Variants in DCLK1 observed in about 807,000 individuals in gnomAD.
DCLK1 encodes serine/threonine-protein kinase DCLK1.
A neutral mutation model predicts 86.2 loss-of-function variants in DCLK1; 16 were observed. That is an observed-to-expected ratio of 0.19 (90% CI 0.13 to 0.28). The LOEUF is 0.28. DCLK1 is among the 10% of genes least tolerant of loss of function. The pLI, the probability that DCLK1 is intolerant of heterozygous loss-of-function variation, is 1.00. For missense variants in DCLK1, 590 were observed against 940.2 expected, an observed-to-expected ratio of 0.63 and a Z score of 4.87; for synonymous variants, 369 against 370.5, an observed-to-expected ratio of 1.00 and a Z score of 0.05.
At chr13:35,881,621 C>T (rs1436309202) in intron 4 of DCLK1, among the ~76,000 whole-genome samples, 3 of 152,196 alleles carry the variant, frequency 2.0e-5, no homozygotes, top group East Asian at 1.9e-4. Flanking sequence ...GCACTTGGCA[C>T]TATGGCTCGG....
At position 35,846,820 on chromosome 13, in the gene DCLK1, G is replaced by T. The variant is rs375782752; in HGVS notation, c.1036-7644C>A. 6.7e-5 allele frequency: 66 copies of T among 984,962 alleles called. No individual in the cohort carries two copies. In the East Asian group the frequency reaches 4.8e-3, roughly 71 times the overall value. 61.0% of individuals were successfully genotyped at this position (984,962 alleles called of 1,614,324 possible). On this transcript the variant is annotated intron_variant, in intron 6 of 16. Coordinates refer to ENST00000360631, the MANE Select transcript of DCLK1 (RefSeq NM_001330071.2). ...AAATTCATTCGATTAACATTTTCAA[G>T]TGTGTATATATTTATGTAGATATAT...
At chr13:36,111,501 T>C (rs1287009497) in intron 3 of DCLK1, among the ~76,000 whole-genome samples, 1 of 152,220 alleles carries the variant, frequency 6.6e-6, no homozygotes, top group Non-Finnish European at 1.5e-5. Flanking sequence ...GTTAGAATTT[T>C]CCCTACTGGT....
chr13:36,060,081 G>A (rs1883485327), intron 3 of DCLK1, among the ~76,000 whole-genome samples: 1 of 152,060 alleles, frequency 6.6e-6, no homozygotes, highest in African/African-American at 2.4e-5. Flanking sequence ...ATGTTGGCCA[G>A]GCTGGTCTTG....
chr13:35,823,904 C>G (rs2087457880), intron 10 of DCLK1, among the ~76,000 whole-genome samples: 1 of 152,226 alleles, frequency 6.6e-6, no homozygotes, highest in Non-Finnish European at 1.5e-5. Context: ...GGAGACTTCT[C>G]TCACTGTCCC....
chr13:36,122,254 T>C (rs1886019065), intron 2 of DCLK1, among the ~76,000 whole-genome samples: 1 of 152,042 alleles, frequency 6.6e-6, no homozygotes, highest in South Asian at 2.1e-4. Context: ...AAAAAGCCCT[T>C]ATGCAAACTG....
At chr13:35,865,868 G>A (rs1871751577) in intron 5 of DCLK1, among the ~76,000 whole-genome samples, 1 of 152,126 alleles carries the variant, frequency 6.6e-6, no homozygotes, top group Non-Finnish European at 1.5e-5. Flanking sequence ...CAGGAAGTTG[G>A]GGTAAATCAT....
At chr13:35,846,171 A>T in intron 6 of DCLK1, 4 of 983,312 alleles carry the variant, frequency 4.1e-6, no homozygotes, top group Non-Finnish European at 4.8e-6. Flanking sequence ...GTTTTTTTTT[A>T]AAGAGAATAC....
chr13:36,118,031 G>A (rs540143950), intron 2 of DCLK1, among the ~76,000 whole-genome samples: 3 of 152,022 alleles, frequency 2.0e-5, no homozygotes, highest in Non-Finnish European at 4.4e-5. Context: ...ATAATAATAT[G>A]CTCTGTTGCA....
intron 2 of DCLK1, among the ~76,000 whole-genome samples, chr13:36,114,274 C>T (rs1483425737): frequency 1.3e-5 from 2 of 152,186 alleles, no homozygotes; most frequent in Non-Finnish European, 2.9e-5. Context: ...TCCAGTTACA[C>T]TGAGAAGGCG....
intron 7 of DCLK1, 79 bp downstream of exon 7, chr13:35,839,013 T>G (rs1593647354): frequency 2.1e-5 from 29 of 1,354,070 alleles, no homozygotes; most frequent in Non-Finnish European, 2.7e-5. Context: ...TCATTCCGCT[T>G]GAGAAGCCAC....
At chr13:35,853,756 C>T (rs1039330710) in intron 6 of DCLK1, among the ~76,000 whole-genome samples, 1 of 152,120 alleles carries the variant, frequency 6.6e-6, no homozygotes, top group African/African-American at 2.4e-5. Flanking sequence ...GAAATCAGGA[C>T]CATAAAGGGC....
At chr13:35,913,619 C>T (rs1425925186) in intron 4 of DCLK1, among the ~76,000 whole-genome samples, 5 of 152,160 alleles carry the variant, frequency 3.3e-5, no homozygotes, top group Non-Finnish European at 7.4e-5. Context: ...CACTAAATTA[C>T]ATTTTTTTTC....
chr13:36,053,856 A>G (rs905293872), intron 3 of DCLK1, among the ~76,000 whole-genome samples: 1 of 152,058 alleles, frequency 6.6e-6, no homozygotes, highest in African/African-American at 2.4e-5. Context: ...GGTGTTACCC[A>G]GGAGACTCTG....
intron 4 of DCLK1, among the ~76,000 whole-genome samples, chr13:35,891,324 A>G (rs1873632148): frequency 6.6e-6 from 1 of 152,158 alleles, no homozygotes; most frequent in South Asian, 2.1e-4. Context: ...AACACTTTCA[A>G]CCTTTCAAGT....
In DCLK1 at chr13:35,803,367, C is replaced by A. The variant is rs996431161; in HGVS notation, c.1944+2332G>T. 2.0e-5 allele frequency among the ~76,000 whole-genome samples: 3 copies of A among 152,176 alleles called. No individual in the cohort carries two copies. In the South Asian group the frequency reaches 6.2e-4, roughly 31 times the overall value. ...ATGTTGTTGAGGCTGGAAGTGACCA[C>A]TCCTGGATACTGGCTGTACAGCCCC... On this transcript the variant is annotated intron_variant, in intron 15 of 16. Transcript: ENST00000360631.
At chr13:36,005,729 A>G (rs1880920221) in intron 3 of DCLK1, among the ~76,000 whole-genome samples, 1 of 152,216 alleles carries the variant, frequency 6.6e-6, no homozygotes, top group Non-Finnish European at 1.5e-5. Context: ...TGGGATTAGC[A>G]GCACTATTTC....
intron 3 of DCLK1, among the ~76,000 whole-genome samples, chr13:36,078,668 C>T (rs773906026): frequency 2.0e-5 from 3 of 152,190 alleles, no homozygotes; most frequent in African/African-American, 4.8e-5. Flanking sequence ...TGAAACACCA[C>T]CAGTTGCAGT....
chr13:36,106,562 T>C (rs1221117172), intron 3 of DCLK1, among the ~76,000 whole-genome samples: 1 of 152,214 alleles, frequency 6.6e-6, no homozygotes, highest in Non-Finnish European at 1.5e-5. Context: ...ACATTCCCTT[T>C]TGCTACATAG....
intron 16 of DCLK1, among the ~76,000 whole-genome samples, chr13:35,792,610 T>A (rs9565561): frequency 0.44 from 66,820 of 151,990 alleles, 15,291 homozygotes; most frequent in East Asian, 0.69. Context: ...AAAAGAGGAA[T>A]TTATTAAAAA....
Sources: gnomAD v4.1 joint callset for allele counts (sites outside exome capture counted in the v4.1 genomes callset) on GRCh38, gnomAD v4.1.1 for gene constraint, MANE v1.5 for transcripts, NCBI Gene and HGNC (gene_info 2026-07-23, HGNC 2026-07-21) for gene names.